The following ABAT variants were observed in gnomAD, a reference collection of about 807,000 sequenced individuals.
ABAT encodes 4-aminobutyrate aminotransferase.
In ABAT, 45 loss-of-function variants were observed where a neutral mutation model predicts 64.6. The ratio of observed to expected loss-of-function variants is 0.70; its 90% CI spans 0.55 to 0.89. The LOEUF (loss-of-function observed/expected upper bound fraction) is 0.89. Among genes scored for constraint, ABAT ranks in the 40% least tolerant of loss-of-function variants. The pLI, the probability that ABAT is intolerant of heterozygous loss-of-function variation, is 0.00. For synonymous variants in ABAT, 297 were observed against 250.5 expected, an observed-to-expected ratio of 1.19 and a Z score of -1.75; for missense variants, 633 against 658.4, an observed-to-expected ratio of 0.96 and a Z score of 0.42.
intron 1 of ABAT, among the ~76,000 whole-genome samples, chr16:8,692,135 C>A (rs989208064): frequency 2.0e-5 from 3 of 152,144 alleles, no homozygotes; most frequent in African/African-American, 7.2e-5. Context: ...AATCCCAGAA[C>A]TTTGGGACGC....
At chr16:8,679,052 C>G (rs2057270240) in intron 1 of ABAT, among the ~76,000 whole-genome samples, 2 of 152,124 alleles carry the variant, frequency 1.3e-5, no homozygotes, top group Admixed American at 6.6e-5. Context: ...GCCACCTTGT[C>G]TCACGTCTGC....
At chr16:8,710,306 G>A (rs1010583207) in intron 1 of ABAT, among the ~76,000 whole-genome samples, 8 of 152,168 alleles carry the variant, frequency 5.3e-5, no homozygotes, top group Non-Finnish European at 1.0e-4. Flanking sequence ...TATTCAGAAG[G>A]GGGCTAGGTA....
At chr16:8,752,088 G>T (rs2059504015) in intron 5 of ABAT, among the ~76,000 whole-genome samples, 1 of 152,214 alleles carries the variant, frequency 6.6e-6, no homozygotes, top group Non-Finnish European at 1.5e-5. Context: ...TCAGAAGCCT[G>T]GAGCCTTTCC....
chr16:8,742,277 C>T (rs1171238245), intron 2 of ABAT, among the ~76,000 whole-genome samples: 1 of 152,212 alleles, frequency 6.6e-6, no homozygotes, highest in African/African-American at 2.4e-5. Context: ...GCAGCTCCCC[C>T]TGTGTACTGC....
At chr16:8,710,200 T>C (rs1438772464) in intron 1 of ABAT, among the ~76,000 whole-genome samples, 2 of 152,116 alleles carry the variant, frequency 1.3e-5, no homozygotes, top group Non-Finnish European at 2.9e-5. Context: ...AATGAGATAA[T>C]ACATGGAAAG....
At chr16:8,732,575 A>C (rs1201914805) in intron 1 of ABAT, among the ~76,000 whole-genome samples, 1 of 151,708 alleles carries the variant, frequency 6.6e-6, no homozygotes, top group African/African-American at 2.4e-5. Flanking sequence ...AGGCAGAAGA[A>C]GTTTTCTTAG....
chr16:8,738,435 T>C (rs980851077), intron 2 of ABAT: 2 of 455,974 alleles, frequency 4.4e-6, no homozygotes, highest in Non-Finnish European at 8.8e-6. Context: ...TGTCTTTTTC[T>C]GCTCCAGGAT....
rs191136596 is a variant in ABAT at position 8,717,636 on chromosome 16, C to T, written c.-41-18063C>T. ...AGTCTCCCAATCAATCCATCAGGCA[C>T]CTCTTTCTGTTCCTTCTTTTCTGTT... On this transcript the variant is annotated intron_variant, in intron 1 of 15. Coordinates refer to ENST00000268251, the MANE Select transcript of ABAT (RefSeq NM_020686.6). Among the ~76,000 whole-genome samples the T allele has an allele frequency of 1.2e-3, 186 of 152,272 alleles. 1 individual carries two copies. Among genetic ancestry groups the T allele is most frequent in the South Asian group, 6.0e-3 (29 of 4,824 alleles).
At position 8,729,176 on chromosome 16, in the gene ABAT, C is replaced by T. The variant is rs185412028; in HGVS notation, c.-41-6523C>T. Among the ~76,000 whole-genome samples, 136 of 150,118 alleles carry T rather than the reference C, an allele frequency of 9.1e-4. 2 individuals carry two copies. The East Asian group carries it at 0.021, about 23-fold the overall frequency. On this transcript the variant is annotated intron_variant, in intron 1 of 15. Transcript: ENST00000268251. ...AAAAAAAATTAGCTGGGCGTGGCGG[C>T]GTTCGCCTGTAGTTCCAGGTACTTG...
chr16:8,696,276 G>C (rs954242338), intron 1 of ABAT, among the ~76,000 whole-genome samples: 1 of 152,174 alleles, frequency 6.6e-6, no homozygotes, highest in East Asian at 1.9e-4. Context: ...CAGGGTGACT[G>C]TGCAGGGGGA....
intron 1 of ABAT, among the ~76,000 whole-genome samples, chr16:8,677,374 G>T (rs929417523): frequency 3.9e-5 from 6 of 152,224 alleles, no homozygotes; most frequent in Non-Finnish European, 7.3e-5. Context: ...GTAGTATGTG[G>T]AATGGACCAC....
intron 14 of ABAT, among the ~76,000 whole-genome samples, chr16:8,778,439 T>C (rs990833441): frequency 1.3e-5 from 2 of 152,250 alleles, no homozygotes; most frequent in Non-Finnish European, 2.9e-5. Flanking sequence ...TTCTCCCCAC[T>C]GTGCCTGTGT....
chr16:8,738,296 G>A, intron 2 of ABAT: 1 of 408,528 alleles, frequency 2.4e-6, no homozygotes, highest in South Asian at 1.9e-5. Flanking sequence ...ACTCCAGCCT[G>A]GGTGGCCTTG....
In ABAT at chr16:8,732,224, T is replaced by A. The variant is rs113667974; in HGVS notation, c.-41-3475T>A. Among the ~76,000 whole-genome samples the A allele has an allele frequency of 8.8e-3, 1,260 of 143,144 alleles. 25 individuals carry two copies. The highest frequency in any genetic ancestry group is 0.025 in the Middle Eastern group (7 of 278). 93.9% of individuals were successfully genotyped at this position (143,144 alleles called of 152,430 possible). A position where few individuals can be genotyped will look rare whatever the true frequency, so the allele number is the denominator to read the frequency against. ...TTTTTTTTTTGTTTGTTTGTTTTTT[T>A]AATTTATTTATTTTTTATTGATAAT... On this transcript the variant is annotated intron_variant, in intron 1 of 15. Transcript: ENST00000268251.
At position 8,779,227 on chromosome 16, in the gene ABAT, A is replaced by T. The variant is rs370709770; in HGVS notation, c.1270-252A>T. ...CCCAAGGTTATACAGTGAGAGGGAC[A>T]GAGCTGGGCTTGGTTGTTGTTGCTG... On this transcript the variant is annotated intron_variant, in intron 14 of 15. Coordinates refer to ENST00000268251, the MANE Select transcript of ABAT (RefSeq NM_020686.6). Among the ~76,000 whole-genome samples the T allele has an allele frequency of 4.6e-5, 7 of 152,344 alleles. 1 individual carries two copies. The South Asian group carries it at 1.4e-3, about 32-fold the overall frequency.
intron 1 of ABAT, among the ~76,000 whole-genome samples, chr16:8,689,925 C>G (rs1020242608): frequency 8.5e-5 from 13 of 152,174 alleles, no homozygotes; most frequent in African/African-American, 2.9e-4. Context: ...AAACTACATT[C>G]AACAGCTGGT....
intron 5 of ABAT, among the ~76,000 whole-genome samples, chr16:8,753,116 C>A (rs1239531854): frequency 7.1e-6 from 1 of 141,070 alleles, no homozygotes; most frequent in Non-Finnish European, 1.5e-5. Flanking sequence ...TTTTTTTAGA[C>A]GGAGTCTTGC....
intron 1 of ABAT, among the ~76,000 whole-genome samples, chr16:8,725,896 C>T (rs921365465): frequency 9.8e-5 from 15 of 152,294 alleles, no homozygotes; most frequent in South Asian, 8.3e-4. Flanking sequence ...AACTCCCACC[C>T]CAGTGGGTGC....
intron 1 of ABAT, among the ~76,000 whole-genome samples, chr16:8,701,418 C>T (rs928460912): frequency 4.6e-5 from 7 of 152,220 alleles, no homozygotes; most frequent in Non-Finnish European, 7.3e-5. Flanking sequence ...TAAGCATGCA[C>T]TATTGGCCAG....
Sources: gnomAD v4.1 joint callset for allele counts (sites outside exome capture counted in the v4.1 genomes callset) on GRCh38, gnomAD v4.1.1 for gene constraint, MANE v1.5 for transcripts, NCBI Gene and HGNC (gene_info 2026-07-23, HGNC 2026-07-21) for gene names.